The following LCLAT1 variants were observed in gnomAD, a reference collection of about 807,000 sequenced individuals.
The protein encoded by LCLAT1 is 1-AGP acyltransferase 8.
In LCLAT1, 11 loss-of-function variants were observed where a neutral mutation model predicts 30.7. The observed-to-expected ratio is 0.36, with a 90% CI of 0.23 to 0.59. LCLAT1 has a LOEUF of 0.59. Among genes scored for constraint, LCLAT1 ranks in the 20% least tolerant of loss-of-function variants. LCLAT1 has a pLI of 0.77. For synonymous variants in LCLAT1, 155 were observed against 151.3 expected, an observed-to-expected ratio of 1.02 and a Z score of -0.18; for missense variants, 402 against 458.6, an observed-to-expected ratio of 0.88 and a Z score of 1.13.
chr2:30,496,668 A>G (rs1188656836), intron 1 of LCLAT1, among the ~76,000 whole-genome samples: 2 of 152,184 alleles, frequency 1.3e-5, no homozygotes, highest in Non-Finnish European at 2.9e-5. Flanking sequence ...GATGCAATGG[A>G]TTAGTGTTAA....
chr2:30,511,184 T>C (rs958930151), intron 1 of LCLAT1, among the ~76,000 whole-genome samples: 1 of 151,714 alleles, frequency 6.6e-6, no homozygotes, highest in African/African-American at 2.4e-5. Flanking sequence ...TACTGAGGGG[T>C]GATTTATGTG....
At chr2:30,516,402 C>T (rs768397474) in intron 1 of LCLAT1, among the ~76,000 whole-genome samples, 20 of 152,308 alleles carry the variant, frequency 1.3e-4, no homozygotes, top group Admixed American at 2.6e-4. Context: ...GTGTCTGCTG[C>T]GCTTCTGATG....
intron 1 of LCLAT1, among the ~76,000 whole-genome samples, chr2:30,487,700 G>A (rs1683631284): frequency 2.0e-5 from 3 of 152,212 alleles, no homozygotes; most frequent in African/African-American, 7.2e-5. Flanking sequence ...GAGTTGAAGT[G>A]TGTTACATGA....
At chr2:30,552,648 A>G (rs1454496841) in intron 3 of LCLAT1, 3 of 310,622 alleles carry the variant, frequency 9.7e-6, no homozygotes, top group South Asian at 2.5e-5. Flanking sequence ...CCAGTTTGTA[A>G]TGTGAGTTCA....
At chr2:30,527,704 A>G (rs1254538710) in intron 2 of LCLAT1, among the ~76,000 whole-genome samples, 2 of 152,194 alleles carry the variant, frequency 1.3e-5, no homozygotes, top group African/African-American at 2.4e-5. Flanking sequence ...TCTTAATACT[A>G]CCTACTTACA....
At chr2:30,524,137 A>G (rs989858513) in intron 1 of LCLAT1, among the ~76,000 whole-genome samples, 2 of 152,154 alleles carry the variant, frequency 1.3e-5, no homozygotes, top group African/African-American at 4.8e-5. Context: ...GTTTTTCTCT[A>G]ACATAGTTTA....
At chr2:30,597,920 C>T (rs1243413650) in intron 5 of LCLAT1, among the ~76,000 whole-genome samples, 2 of 152,068 alleles carry the variant, frequency 1.3e-5, no homozygotes, top group East Asian at 1.9e-4. Flanking sequence ...GTCCTTAGTT[C>T]TGTTTATGTG....
At chr2:30,610,429 A>G (rs911181108) in intron 5 of LCLAT1, among the ~76,000 whole-genome samples, 4 of 152,144 alleles carry the variant, frequency 2.6e-5, no homozygotes, top group Admixed American at 6.6e-5. Flanking sequence ...AGATAGCTCC[A>G]TAAGTACAGA....
intron 1 of LCLAT1, among the ~76,000 whole-genome samples, chr2:30,451,564 C>G (rs565105231): frequency 6.6e-6 from 1 of 151,568 alleles, no homozygotes; most frequent in East Asian, 1.9e-4. Context: ...ACTGCAGAAC[C>G]TATTGTACAT....
intron 5 of LCLAT1, among the ~76,000 whole-genome samples, chr2:30,632,804 G>A (rs1254319507): frequency 6.6e-6 from 1 of 152,186 alleles, no homozygotes; most frequent in African/African-American, 2.4e-5. Context: ...CCGTAGAGCT[G>A]GTAAAAGGCA....
chr2:30,600,589 C>G (rs751640835), intron 5 of LCLAT1, among the ~76,000 whole-genome samples: 2 of 148,082 alleles, frequency 1.4e-5, no homozygotes, highest in African/African-American at 2.5e-5. Context: ...GTTGGAAATT[C>G]TTTTCTTTAA....
chr2:30,527,362 C>T (rs1469762613), intron 2 of LCLAT1, among the ~76,000 whole-genome samples: 1 of 152,138 alleles, frequency 6.6e-6, no homozygotes. Flanking sequence ...TTGTAACAGT[C>T]ATGTATTGTT....
At chr2:30,481,223 G>A (rs1274931353) in intron 1 of LCLAT1, among the ~76,000 whole-genome samples, 1 of 152,202 alleles carries the variant, frequency 6.6e-6, no homozygotes, top group East Asian at 1.9e-4. Context: ...TCAATGGAAA[G>A]CCGTTAAAGG....
chr2:30,493,859 AAAAAATAGTTTTG>A (rs1379346881), intron 1 of LCLAT1, among the ~76,000 whole-genome samples: 1 of 152,156 alleles, frequency 6.6e-6, no homozygotes, highest in Non-Finnish European at 1.5e-5. Flanking sequence ...TTAGTTATTT[AAAAAATAGTTTTG>A]ACTGGGCGAA....
intron 5 of LCLAT1, among the ~76,000 whole-genome samples, chr2:30,595,918 T>G (rs1666909619): frequency 6.6e-6 from 1 of 152,138 alleles, no homozygotes; most frequent in Non-Finnish European, 1.5e-5. Context: ...CGGGTTAGTT[T>G]GTTGAGGATA....
intron 5 of LCLAT1, among the ~76,000 whole-genome samples, chr2:30,639,387 A>G (rs377727735): frequency 5.9e-5 from 1 of 16,826 alleles, no homozygotes; most frequent in South Asian, 1.0e-3. Flanking sequence ...GGCCTGTTTA[A>G]GTGAAAACAC....
At chr2:30,518,641 A>G (rs1252645) in intron 1 of LCLAT1, among the ~76,000 whole-genome samples, 2,054 of 152,268 alleles carry the variant, frequency 0.013, 36 homozygotes, top group African/African-American at 0.046. Context: ...AGGATTATCA[A>G]TGAGGCCGTT....
chr2:30,591,963 T>C (rs760105997), intron 5 of LCLAT1, among the ~76,000 whole-genome samples: 9 of 152,216 alleles, frequency 5.9e-5, no homozygotes, highest in Admixed American at 1.3e-4. Flanking sequence ...CCTCATCACA[T>C]AGTATAATAA....
At chr2:30,501,310 A>G (rs1684375445) in intron 1 of LCLAT1, among the ~76,000 whole-genome samples, 1 of 152,166 alleles carries the variant, frequency 6.6e-6, no homozygotes, top group South Asian at 2.1e-4. Flanking sequence ...GTGCTTTGGT[A>G]ACAAATGCCT....
Sources: gnomAD v4.1 joint callset for allele counts (sites outside exome capture counted in the v4.1 genomes callset) on GRCh38, gnomAD v4.1.1 for gene constraint, MANE v1.5 for transcripts, NCBI Gene and HGNC (gene_info 2026-07-23, HGNC 2026-07-21) for gene names.